The following HNRNPUL2 variants were observed in gnomAD, a reference collection of about 807,000 sequenced individuals.
HNRNPUL2 encodes the protein heterogeneous nuclear ribonucleoprotein U like 2.
In HNRNPUL2, 27 loss-of-function variants were observed where a neutral mutation model predicts 102.2. That is an observed-to-expected ratio of 0.26 (90% CI 0.19 to 0.36). The LOEUF is 0.36. Ranked by LOEUF, HNRNPUL2 falls within the 10% of genes least tolerant of loss-of-function variation. The pLI is 1.00. For missense variants in HNRNPUL2, 936 were observed against 981.1 expected (o/e 0.95, Z 0.61); for synonymous variants, 458 against 387.2 (o/e 1.18, Z -2.15).
chr11:62,721,669 A>G (rs377152131), intron 8 of HNRNPUL2, 151 bp downstream of exon 8: 2 of 1,042,648 alleles, frequency 1.9e-6, no homozygotes, highest in Admixed American at 2.3e-5. Flanking sequence ...AAAGAAAAAA[A>G]AAATCAATCC....
chr11:62,719,734 G>A (rs1039184128), intron 10 of HNRNPUL2, among the ~76,000 whole-genome samples: 2 of 152,104 alleles, frequency 1.3e-5, no homozygotes, highest in Admixed American at 1.3e-4. Context: ...GTATTGAGAG[G>A]GTGGGACTTT....
Position 62,720,341 on chromosome 11 carries a change from T to C in HNRNPUL2, c.1612-150A>G, listed in dbSNP as rs2134774981. On this transcript the variant is annotated intron_variant, in intron 9 of 13. Transcript: ENST00000301785. ...TGGGCAGATCATCTCAGGTCAGGAG[T>C]TCAAGACCAGCCTGGCCAACATGGT... 6 of 652,148 alleles carry C rather than the reference T, an allele frequency of 9.2e-6. No homozygotes were observed. The East Asian group carries it at 1.1e-4, about 12-fold the overall frequency. 40.4% of individuals were successfully genotyped at this position (652,148 alleles called of 1,614,324 possible).
chr11:62,715,110 C>A lies in HNRNPUL2; in HGVS notation c.*189G>T. On this transcript the variant is annotated 3_prime_UTR_variant, in exon 14 of 14. Coordinates refer to ENST00000301785, the MANE Select transcript of HNRNPUL2 (RefSeq NM_001079559.3). ...TTCAACAAACTTTAAAAAAAATGTA[C>A]AGTTTTGTTGTTTGTTTCCACCTCC... The A allele has an allele frequency of 1.1e-5, 6 of 541,536 alleles. No homozygotes were observed. The highest frequency in any genetic ancestry group is 1.6e-5 in the Non-Finnish European group (5 of 304,146). 33.5% of individuals were successfully genotyped at this position (541,536 alleles called of 1,614,324 possible).
chr11:62,720,006 T>C lies in HNRNPUL2; in HGVS notation c.1780+17A>G. On this transcript the variant is annotated intron_variant, in intron 10 of 13. Transcript: ENST00000301785. ...GGTATTCTGTTATAGCAGCAGAAAA[T>C]GGACTAAGACACCCACCTTTCATCT... 1.2e-6 allele frequency: 2 copies of C among 1,610,986 alleles called. No homozygotes were observed. Among genetic ancestry groups the C allele is most frequent in the East Asian group, 2.2e-5 (1 of 44,858 alleles).
In HNRNPUL2 at chr11:62,722,839, G is replaced by A. The variant is rs760788798; in HGVS notation, c.956C>T (p.Ser319Phe). The change falls in exon 5 of 14, where the codon TCT becomes TTT. Residue 319 changes from serine to phenylalanine, a missense_variant. This residue lies in a region of HNRNPUL2 where 609 missense variants were observed against 713.0 expected (regional missense o/e 0.85). Transcript: ENST00000301785. ...TEVSLLRVGW[S>F]VDFSRPQLGE... Reference sequence around the variant, plus strand: ...AAGCTGTGGACGGGAAAAATCAACAGACCACCCAACTCGAAGGAGAGAGAC... The same window carrying A: ...AAGCTGTGGACGGGAAAAATCAACAAACCACCCAACTCGAAGGAGAGAGAC... 3.7e-6 allele frequency: 6 copies of A among 1,613,964 alleles called. No homozygotes were observed. Among genetic ancestry groups the A allele is most frequent in the Non-Finnish European group, 5.1e-6 (6 of 1,180,006 alleles).
Position 62,723,427 on chromosome 11 carries a change from G to A in HNRNPUL2, c.891+160C>T, listed in dbSNP as rs546593175. Among the ~76,000 whole-genome samples the A allele has an allele frequency of 2.9e-3, 444 of 152,298 alleles. 3 individuals are homozygous for A. The highest frequency in any genetic ancestry group is 0.02 in the Middle Eastern group (6 of 294). On this transcript the variant is annotated intron_variant, in intron 4 of 13. Coordinates refer to ENST00000301785, the MANE Select transcript of HNRNPUL2 (RefSeq NM_001079559.3). ...AATCGCTTCAACCCAGGAGGCAGAG[G>A]CTGTGGTGAGCCGAGATGGTGCCAC... is the stretch of plus-strand genomic sequence containing the variant.
chr11:62,716,013 CTT>C, intron 11 of HNRNPUL2, 76 bp from the exon 12 acceptor site: 1 of 1,222,508 alleles, frequency 8.2e-7, no homozygotes, highest in Non-Finnish European at 1.1e-6. Flanking sequence ...AAATCAAAAA[CTT>C]GGAGCCAAAG....
At chr11:62,718,694 T>TA (rs11456076) in intron 10 of HNRNPUL2, among the ~76,000 whole-genome samples, 10,442 of 119,560 alleles carry the variant, frequency 0.087, 1,136 homozygotes, top group African/African-American at 0.24. Flanking sequence ...ACTCTGTCTT[T>TA]AAAAAAAAAA....
Position 62,722,044 on chromosome 11 carries a change from G to A in HNRNPUL2, c.1359+73C>T, listed in dbSNP as rs146080627. 3.1e-6 allele frequency: 5 copies of A among 1,599,636 alleles called. No individual in the cohort carries two copies. The African/African-American group carries it at 5.4e-5, about 17-fold the overall frequency. On this transcript the variant is annotated intron_variant, in intron 7 of 13. Transcript: ENST00000301785. The stretch of plus-strand genomic sequence containing the variant: ...TCCCATTCCTGTTTGGTAACGCTCT[G>A]AGACCCTGGAGAGCATACGCACCCA...
In HNRNPUL2 at chr11:62,715,222, T is replaced by G; in HGVS notation, c.*77A>C. 7.0e-6 allele frequency: 5 copies of G among 713,134 alleles called. No individual in the cohort carries two copies. Among genetic ancestry groups the G allele is most frequent in the Non-Finnish European group, 1.1e-5 (5 of 472,686 alleles). The allele number at this position is 713,134 out of a possible 1,614,324, so 44.2% of individuals were successfully genotyped here. Reference sequence around the variant, plus strand: ...CCCACCCCGACAGCCCCTGTTTTCCTTGGTTGTGTTTTGCGGGGGTGCCTG... The same window carrying G: ...CCCACCCCGACAGCCCCTGTTTTCCGTGGTTGTGTTTTGCGGGGGTGCCTG... On this transcript the variant is annotated 3_prime_UTR_variant, in exon 14 of 14. Transcript: ENST00000301785.
In HNRNPUL2 at chr11:62,721,284, C is replaced by A; in HGVS notation, c.1611+11G>T. 1.3e-6 allele frequency: 2 copies of A among 1,595,874 alleles called. No individual in the cohort carries two copies. The highest frequency in any genetic ancestry group is 2.3e-5 in the East Asian group (1 of 44,280). ...CCACCTTGACTCTAGGCAATTTTAT[C>A]AGATTAATACCTGATCAAGAATAAA... On this transcript the variant is annotated intron_variant, in intron 9 of 13. Coordinates refer to ENST00000301785, the MANE Select transcript of HNRNPUL2 (RefSeq NM_001079559.3).
In HNRNPUL2 at chr11:62,727,247, C is replaced by G. The variant is rs2083763806; in HGVS notation, c.-91G>C. The G allele has an allele frequency of 1.5e-6, 2 of 1,300,186 alleles. No individual in the cohort carries two copies. The allele number at this position is 1,300,186 out of a possible 1,614,324, so 80.5% of individuals were successfully genotyped here. On this transcript the variant is annotated 5_prime_UTR_variant, in exon 1 of 14. Coordinates refer to ENST00000301785, the MANE Select transcript of HNRNPUL2 (RefSeq NM_001079559.3). The stretch of plus-strand genomic sequence containing the variant: ...GCGCAGGCGCCGCCGCCGCCGCCCG[C>G]CTCCGCCTCACGCGCCAGCACTGAG...
In HNRNPUL2 at chr11:62,727,000, GCCCGGCCCCGCCGCCGCCGGC is replaced by G; in HGVS notation, c.136_156del (p.Ala46_Gly52del). ...GGCTCCGCCTTGCAGGCCCCGCCGG[GCCCGGCCCCGCCGCCGCCGGC>G]CTCGTCCTCGAGCATCTCGGCGTCC... On this transcript the variant is annotated inframe_deletion, in exon 1 of 14. Transcript: ENST00000301785. 2.2e-6 allele frequency: 3 copies of G among 1,357,570 alleles called. No individual in the cohort carries two copies. Among genetic ancestry groups the G allele is most frequent in the Non-Finnish European group, 2.8e-6 (3 of 1,057,350 alleles). 84.1% of individuals were successfully genotyped at this position (1,357,570 alleles called of 1,614,324 possible).
rs1590904049 is a variant in HNRNPUL2, at chr11:62,727,270, G to A, written c.-114C>T. On this transcript the variant is annotated 5_prime_UTR_variant, in exon 1 of 14. Coordinates refer to ENST00000301785, the MANE Select transcript of HNRNPUL2 (RefSeq NM_001079559.3). The stretch of plus-strand genomic sequence containing the variant: ...CGCCTCCGCCTCACGCGCCAGCACT[G>A]AGCCCGCGCGAGCGAGCGCACGCAC... The A allele has an allele frequency of 8.3e-7, 1 of 1,198,302 alleles. No homozygotes were observed. Among genetic ancestry groups the A allele is most frequent in the Non-Finnish European group, 1.0e-6 (1 of 960,892 alleles). 74.2% of individuals were successfully genotyped at this position (1,198,302 alleles called of 1,614,324 possible).
chr11:62,720,432 T>G (rs1396990943), intron 9 of HNRNPUL2, among the ~76,000 whole-genome samples: 1 of 151,606 alleles, frequency 6.6e-6, no homozygotes, highest in Non-Finnish European at 1.5e-5. Flanking sequence ...TAATCCCAGC[T>G]ATTTGGGAGG....
At chr11:62,723,565 A>G in intron 4 of HNRNPUL2, 22 bp downstream of exon 4, 2 of 1,577,392 alleles carry the variant, frequency 1.3e-6, no homozygotes, top group South Asian at 1.1e-5. Flanking sequence ...GAATGAATGA[A>G]TGAATGGTCT....
chr11:62,719,433 A>G (rs1485290054), intron 10 of HNRNPUL2, among the ~76,000 whole-genome samples: 2 of 152,210 alleles, frequency 1.3e-5, no homozygotes, highest in Non-Finnish European at 2.9e-5. Flanking sequence ...GCTGGGCAAC[A>G]GGGTGAGACT....
chr11:62,719,906 T>C (rs12291015), intron 10 of HNRNPUL2, 117 bp downstream of exon 10: 187,557 of 940,990 alleles, frequency 0.2, 19,821 homozygotes, highest in Non-Finnish European at 0.23. Context: ...CAGATGCTAA[T>C]GCTATGCTCT....
intron 9 of HNRNPUL2, among the ~76,000 whole-genome samples, chr11:62,720,974 T>C (rs2083698327): frequency 6.6e-6 from 1 of 151,908 alleles, no homozygotes; most frequent in South Asian, 2.1e-4. Flanking sequence ...TGACAGGTAT[T>C]ATCCTGTTTT....
Sources: gnomAD v4.1 joint callset for allele counts (sites outside exome capture counted in the v4.1 genomes callset) on GRCh38, gnomAD v4.1.1 for gene constraint, gnomAD v4.1.1 regional missense constraint, MANE v1.5 for transcripts, NCBI Gene and HGNC (gene_info 2026-07-23, HGNC 2026-07-21) for gene names.